Variants in DIAPH2 observed in about 807,000 individuals in gnomAD.
DIAPH2 encodes protein diaphanous homolog 2.
Under a neutral mutation model 92.7 loss-of-function variants are expected in DIAPH2, and 35 were observed. That is an observed-to-expected ratio of 0.38 (90% CI 0.29 to 0.50). The LOEUF (loss-of-function observed/expected upper bound fraction) is 0.50. Ranked by LOEUF, DIAPH2 falls within the 20% of genes least tolerant of loss-of-function variation. The probability of loss-of-function intolerance (pLI) is 0.94; values close to 1 mark genes in which losing one functional copy is unlikely to be tolerated. For missense variants in DIAPH2, 701 were observed against 819.5 expected, an observed-to-expected ratio of 0.86 and a Z score of 1.77; for synonymous variants, 301 against 280.4, an observed-to-expected ratio of 1.07 and a Z score of -0.73.
At chrX:96,724,372 G>A (rs2064008703) in intron 1 of DIAPH2, among the ~76,000 whole-genome samples, 1 of 112,071 alleles carries the variant, frequency 8.9e-6, no homozygotes, top group African/African-American at 3.2e-5. Context: ...TTACGCAGCA[G>A]TGAGGAAAAT....
chrX:97,482,542 G>T (rs1022202686), intron 26 of DIAPH2, among the ~76,000 whole-genome samples: 3 of 111,651 alleles, frequency 2.7e-5, no homozygotes, highest in East Asian at 5.6e-4. Context: ...AACAGCAGGG[G>T]GGAGAATTTG....
chrX:96,779,253 A>C (rs2147623447), intron 4 of DIAPH2, among the ~76,000 whole-genome samples: 1 of 112,270 alleles, frequency 8.9e-6, no homozygotes, highest in East Asian at 2.8e-4. Context: ...AAATTCAATT[A>C]ACTACCCTAC....
In DIAPH2 at chrX:96,962,392, C is replaced by CATATATATAT. The variant is rs2065862908; in HGVS notation, c.1936-2700_1936-2699insTATATATATA. The stretch of plus-strand genomic sequence containing the variant: ...ACATATATATATACACATATATATA[C>CATATATATAT]ACATATATATACACATATATATATA... On this transcript the variant is annotated intron_variant, in intron 16 of 26. Transcript: ENST00000324765. Among the ~76,000 whole-genome samples, 4 of 55,576 alleles carry CATATATATAT rather than the reference C, an allele frequency of 7.2e-5. 1 individual carries two copies. The highest frequency in any genetic ancestry group is 2.9e-4 in the African/African-American group (3 of 10,467). The allele number at this position is 55,576 out of a possible 115,157, so 48.3% of individuals were successfully genotyped here.
At chrX:97,327,232 G>A (rs1319551915) in intron 23 of DIAPH2, among the ~76,000 whole-genome samples, 1 of 109,250 alleles carries the variant, frequency 9.2e-6, no homozygotes, top group Admixed American at 9.9e-5. Flanking sequence ...CAAAGTAGCT[G>A]GGATTACAGG....
At chrX:96,956,951 G>A (rs769859809) in intron 15 of DIAPH2, among the ~76,000 whole-genome samples, 50 of 112,412 alleles carry the variant, frequency 4.4e-4, no homozygotes, top group South Asian at 3.7e-4. Context: ...CCAACTATCC[G>A]GTGCCAATTT....
intron 22 of DIAPH2, among the ~76,000 whole-genome samples, chrX:97,223,930 A>G (rs1351480537): frequency 8.9e-6 from 1 of 111,862 alleles, no homozygotes; most frequent in African/African-American, 3.2e-5. Flanking sequence ...AAATTAAATG[A>G]AAAAGATGGA....
chrX:96,991,372 C>A (rs959409484), intron 17 of DIAPH2, among the ~76,000 whole-genome samples: 1 of 110,142 alleles, frequency 9.1e-6, no homozygotes, highest in Non-Finnish European at 1.9e-5. Context: ...CCTGCCTCGC[C>A]CTCCCAAAGT....
intron 4 of DIAPH2, among the ~76,000 whole-genome samples, chrX:96,856,900 G>A (rs900563465): frequency 2.7e-5 from 3 of 110,204 alleles, no homozygotes; most frequent in Admixed American, 9.8e-5. Context: ...TTAGCTGGAC[G>A]TGTTGGCTGG....
chrX:97,098,026 G>C (rs1260300779), intron 19 of DIAPH2, among the ~76,000 whole-genome samples: 1 of 111,296 alleles, frequency 9.0e-6, no homozygotes, highest in Non-Finnish European at 1.9e-5. Context: ...TCATTAATTA[G>C]ATGATAGGTG....
At chrX:97,410,181 A>G (rs1168572241) in intron 25 of DIAPH2, among the ~76,000 whole-genome samples, 1 of 111,917 alleles carries the variant, frequency 8.9e-6, no homozygotes, top group Admixed American at 9.4e-5. Context: ...AGGAAGGATC[A>G]GGCAGCAATA....
intron 22 of DIAPH2, among the ~76,000 whole-genome samples, chrX:97,191,343 A>C (rs2067652254): frequency 9.0e-6 from 1 of 111,231 alleles, no homozygotes; most frequent in African/African-American, 3.3e-5. Flanking sequence ...AAAAAGAAAA[A>C]AAAAAGAAAA....
Position 96,782,839 on chromosome X carries a change from G to T in DIAPH2, c.447+24581G>T, listed in dbSNP as rs190688238. On this transcript the variant is annotated intron_variant, in intron 4 of 26. Coordinates refer to ENST00000324765, the MANE Select transcript of DIAPH2 (RefSeq NM_006729.5). ...GGGCAGGGAGAAAAAGACCCCTGGG[G>T]TATATAGTCTACTTGGGTTAGTGTT... 9.0e-5 allele frequency among the ~76,000 whole-genome samples: 10 copies of T among 111,617 alleles called. No homozygotes were observed. The East Asian group carries it at 2.8e-3, about 31-fold the overall frequency.
intron 17 of DIAPH2, among the ~76,000 whole-genome samples, chrX:97,039,506 G>A (rs191700650): frequency 1.8e-5 from 2 of 111,623 alleles, no homozygotes; most frequent in South Asian, 3.7e-4. Flanking sequence ...AAACAGAAGA[G>A]TATAATAATT....
At chrX:96,961,916 T>C (rs1484937523) in intron 16 of DIAPH2, among the ~76,000 whole-genome samples, 1 of 110,036 alleles carries the variant, frequency 9.1e-6, no homozygotes, top group Non-Finnish European at 1.9e-5. Flanking sequence ...TAAAAATTTG[T>C]TGAGACTTGG....
rs202046146 is a variant in DIAPH2, at chrX:97,312,345, C to CATTTTTTTTTTTTTTTTTTTTTTTTTTT, written c.2845-35771_2845-35770insATTTTTTTTTTTTTTTTTTTTTTTTTTT. On this transcript the variant is annotated intron_variant, in intron 23 of 26. Coordinates refer to ENST00000324765, the MANE Select transcript of DIAPH2 (RefSeq NM_006729.5). ...TTGATCACTTTTGATCAATAGAATCCTTTTTTTTTTTTTTTTTTTTTTTTT... is the reference window on the plus strand; with the variant it reads ...TTGATCACTTTTGATCAATAGAATCCATTTTTTTTTTTTTTTTTTTTTTTTTTTTTTTTTTTTTTTTTTTTTTTTTTTT... Among the ~76,000 whole-genome samples, 7 of 54,945 alleles carry CATTTTTTTTTTTTTTTTTTTTTTTTTTT rather than the reference C, an allele frequency of 1.3e-4. 2 individuals are homozygous for CATTTTTTTTTTTTTTTTTTTTTTTTTTT. Among genetic ancestry groups the CATTTTTTTTTTTTTTTTTTTTTTTTTTT allele is most frequent in the African/African-American group, 3.1e-4 (4 of 12,919 alleles). 47.7% of individuals were successfully genotyped at this position (54,945 alleles called of 115,157 possible).
intron 22 of DIAPH2, among the ~76,000 whole-genome samples, chrX:97,229,326 A>AT (rs34322686): frequency 0.48 from 51,132 of 107,248 alleles, 9,829 homozygotes; most frequent in Non-Finnish European, 0.6. Flanking sequence ...TGTCTTAAGA[A>AT]TTTTTTTTTT....
chrX:97,201,491 A>C (rs764214068), intron 22 of DIAPH2, among the ~76,000 whole-genome samples: 1 of 108,196 alleles, frequency 9.2e-6, no homozygotes, highest in Non-Finnish European at 1.9e-5. Flanking sequence ...GATGGAGCTG[A>C]AAAACACAGC....
chrX:96,866,406 A>G (rs773011124), intron 4 of DIAPH2, among the ~76,000 whole-genome samples: 1 of 112,254 alleles, frequency 8.9e-6, no homozygotes, highest in African/African-American at 3.2e-5. Context: ...TATTTCATAT[A>G]GCAGTCTTTT....
intron 9 of DIAPH2, 95 bp downstream of exon 9, chrX:96,918,712 A>G: frequency 1.6e-6 from 1 of 607,173 alleles, no homozygotes; most frequent in South Asian, 3.5e-5. Flanking sequence ...TTTAAGTAGT[A>G]TGGAATGTAA....
Sources: allele counts gnomAD v4.1 joint callset (sites outside exome capture counted in the v4.1 genomes callset), GRCh38; gene constraint gnomAD v4.1.1; transcripts MANE v1.5; gene names NCBI Gene and HGNC (gene_info 2026-07-23, HGNC 2026-07-21).